XKR4: variants seen among roughly 807,000 people sequenced by gnomAD.
XKR4 encodes the protein XK related 4.
A neutral mutation model predicts 53.9 loss-of-function variants in XKR4; 12 were observed. That is an observed-to-expected ratio of 0.22 (90% confidence interval 0.14 to 0.36). The LOEUF (loss-of-function observed/expected upper bound fraction) is 0.36. Among genes scored for constraint, XKR4 ranks in the 10% least tolerant of loss-of-function variants. The pLI is 1.00. For synonymous variants in XKR4, 354 were observed against 362.4 expected (o/e 0.98, Z 0.26); for missense variants, 799 against 859.5 (o/e 0.93, Z 0.88).
rs550029454 is a variant in XKR4, at chr8:55,457,288, G to A, written c.1007-65993G>A. Among the ~76,000 whole-genome samples, 57 of 151,784 alleles carry A rather than the reference G, an allele frequency of 3.8e-4. 1 individual carries two copies. The highest frequency in any genetic ancestry group is 7.9e-4 in the Admixed American group (12 of 15,252). ...CTCCTGAATAGCTGGGACTACAGGC[G>A]CCCACCACCACGCCCAGCTAATTTT... On this transcript the variant is annotated intron_variant, in intron 2 of 2. Transcript: ENST00000327381.
chr8:55,129,011 G>T (rs575420781), intron 1 of XKR4, among the ~76,000 whole-genome samples: 29 of 152,166 alleles, frequency 1.9e-4, no homozygotes, highest in African/African-American at 7.0e-4. Flanking sequence ...AACCACAGGA[G>T]ACCTGGAAGC....
chr8:55,226,764 C>T (rs1182967083), intron 1 of XKR4, among the ~76,000 whole-genome samples: 3 of 152,168 alleles, frequency 2.0e-5, no homozygotes, highest in Non-Finnish European at 4.4e-5. Context: ...AGATCTTACC[C>T]TCCCACCTTC....
chr8:55,160,631 G>A (rs1164079019), intron 1 of XKR4, among the ~76,000 whole-genome samples: 3 of 152,164 alleles, frequency 2.0e-5, no homozygotes, highest in Admixed American at 6.5e-5. Context: ...CTCTGTTTCC[G>A]TAATTCCCTA....
chr8:55,156,066 A>G (rs1381031377), intron 1 of XKR4, among the ~76,000 whole-genome samples: 2 of 152,092 alleles, frequency 1.3e-5, no homozygotes, highest in African/African-American at 4.8e-5. Flanking sequence ...AAGACATATG[A>G]GATACAAGAA....
intron 1 of XKR4, among the ~76,000 whole-genome samples, chr8:55,103,860 T>TGC (rs1816097665): frequency 2.1e-5 from 2 of 94,920 alleles, no homozygotes; most frequent in Admixed American, 2.1e-4. Flanking sequence ...TGTATATATA[T>TGC]ATATATATAT....
chr8:55,284,011 T>A (rs1818873798), intron 1 of XKR4, among the ~76,000 whole-genome samples: 1 of 152,222 alleles, frequency 6.6e-6, no homozygotes, highest in African/African-American at 2.4e-5. Context: ...ATCACAGAAG[T>A]CTAATATAAT....
Position 55,539,031 on chromosome 8 carries a change from G to A in XKR4, c.*14804G>A, listed in dbSNP as rs1458665795. On this transcript the variant is annotated 3_prime_UTR_variant, in exon 3 of 3. Transcript: ENST00000327381. ...GTGCTTAGGTGGGAATTCTACTAAA[G>A]GATAAAGGACACAGTGTGAAAACAA... 1 of 152,100 alleles carries A rather than the reference G, an allele frequency of 6.6e-6. No homozygotes were observed. The highest frequency in any genetic ancestry group is 1.9e-4 in the East Asian group (1 of 5,194). The allele number at this position is 152,100 out of a possible 1,614,324, so 9.4% of individuals were successfully genotyped here. A position where few individuals can be genotyped will look rare whatever the true frequency, so the allele number is the denominator to read the frequency against.
At chr8:55,409,967 A>C (rs1398781290) in intron 2 of XKR4, among the ~76,000 whole-genome samples, 1 of 152,150 alleles carries the variant, frequency 6.6e-6, no homozygotes, top group Non-Finnish European at 1.5e-5. Context: ...AGCTACACAG[A>C]AGCACATCTT....
chr8:55,278,160 C>A (rs1024591632), intron 1 of XKR4, among the ~76,000 whole-genome samples: 3 of 152,028 alleles, frequency 2.0e-5, no homozygotes, highest in South Asian at 2.1e-4. Context: ...CGTGGCAAAA[C>A]CCTGTCCCTA....
chr8:55,112,077 C>T (rs920306240), intron 1 of XKR4, among the ~76,000 whole-genome samples: 19 of 152,084 alleles, frequency 1.2e-4, no homozygotes, highest in African/African-American at 3.9e-4. Context: ...TGAAGCTGAA[C>T]GATTTTTAAC....
At chr8:55,130,188 A>T (rs1648554732) in intron 1 of XKR4, among the ~76,000 whole-genome samples, 1 of 152,196 alleles carries the variant, frequency 6.6e-6, no homozygotes, top group Admixed American at 6.5e-5. Flanking sequence ...GGAAATACAG[A>T]TATACTCAAA....
At chr8:55,154,202 T>A (rs1011200958) in intron 1 of XKR4, among the ~76,000 whole-genome samples, 1 of 152,240 alleles carries the variant, frequency 6.6e-6, no homozygotes, top group African/African-American at 2.4e-5. Flanking sequence ...CTGTTACTAA[T>A]TCAATAATTA....
intron 1 of XKR4, among the ~76,000 whole-genome samples, chr8:55,238,050 TA>T (rs771510064): frequency 1.3e-5 from 2 of 151,858 alleles, no homozygotes; most frequent in Admixed American, 6.6e-5. Flanking sequence ...GACAGTGATA[TA>T]AAAAAAATAA....
intron 2 of XKR4, chr8:55,451,486 A>T: frequency 8.6e-7 from 1 of 1,165,972 alleles, no homozygotes; most frequent in Non-Finnish European, 1.2e-6. Context: ...GTCTGCCTGG[A>T]ACTGGCCTGG....
chr8:55,437,962 A>T (rs1409169387), intron 2 of XKR4, among the ~76,000 whole-genome samples: 1 of 119,650 alleles, frequency 8.4e-6, no homozygotes, highest in Non-Finnish European at 1.7e-5. Flanking sequence ...AACAAAAAAA[A>T]AAAAGAAGAA....
intron 2 of XKR4, among the ~76,000 whole-genome samples, chr8:55,393,431 G>A (rs9801908): frequency 4.6e-3 from 269 of 59,072 alleles, no homozygotes; most frequent in Non-Finnish European, 0.013. Context: ...AGGAAGGAAG[G>A]AAGGAAGGAA....
intron 2 of XKR4, chr8:55,450,727 C>A: frequency 1.7e-6 from 1 of 583,690 alleles, no homozygotes; most frequent in South Asian, 1.6e-5. Context: ...GAAGGACAGC[C>A]ACTCCTTCTC....
At chr8:55,359,638 G>A (rs1175910693) in intron 2 of XKR4, among the ~76,000 whole-genome samples, 1 of 152,150 alleles carries the variant, frequency 6.6e-6, no homozygotes, top group East Asian at 1.9e-4. Context: ...CCTTCTGGTG[G>A]CCTGAGGTCA....
At chr8:55,309,373 G>C (rs1379148028) in intron 1 of XKR4, among the ~76,000 whole-genome samples, 1 of 152,282 alleles carries the variant, frequency 6.6e-6, no homozygotes, top group East Asian at 1.9e-4. Flanking sequence ...TTCAGAAATG[G>C]AGGAAAGATT....
Sources: gnomAD v4.1 joint callset for allele counts (sites outside exome capture counted in the v4.1 genomes callset) on GRCh38, gnomAD v4.1.1 for gene constraint, MANE v1.5 for transcripts, NCBI Gene and HGNC (gene_info 2026-07-23, HGNC 2026-07-21) for gene names.